USP42: variants seen among roughly 807,000 people sequenced by gnomAD.
USP42 encodes ubiquitin carboxyl-terminal hydrolase 42.
In USP42, 23 loss-of-function variants were observed where a neutral mutation model predicts 113.0. That is an observed-to-expected ratio of 0.20 (90% confidence interval 0.15 to 0.29). USP42 has a LOEUF of 0.29. Among genes scored for constraint, USP42 ranks in the 10% least tolerant of loss-of-function variants. USP42 has a pLI of 1.00. For missense variants in USP42, 2,174 were observed against 1,779.8 expected, an observed-to-expected ratio of 1.22 and a Z score of -3.99; for synonymous variants, 933 against 699.0, an observed-to-expected ratio of 1.33 and a Z score of -5.28.
the USP42 span, among the ~76,000 whole-genome samples, chr7:6,082,114 T>C: frequency 6.6e-6 from 1 of 151,806 alleles, no homozygotes; most frequent in Non-Finnish European, 1.5e-5. Context: ...AAATATATAT[T>C]TATGGGTGCG....
chr7:6,105,039 TC>T lies in USP42; in HGVS notation c.-10+10del. ...GAGCGCCGAGCCGGGTCAGGTAAGCTCCCGCCTCCTTCCCGCCCGCCGCAGG... is the reference window on the plus strand; with the variant it reads ...GAGCGCCGAGCCGGGTCAGGTAAGCTCCGCCTCCTTCCCGCCCGCCGCAGG... On this transcript the variant is annotated splice_region_variant and intron_variant, in intron 1 of 17. Coordinates refer to ENST00000306177, the MANE Select transcript of USP42 (RefSeq NM_032172.3). 6.7e-6 allele frequency: 1 copy of T among 148,700 alleles called. No individual in the cohort carries two copies. The highest frequency in any genetic ancestry group is 1.5e-5 in the Non-Finnish European group (1 of 67,556). The allele number at this position is 148,700 out of a possible 1,614,324, so 9.2% of individuals were successfully genotyped here.
intron 11 of USP42, 60 bp downstream of exon 11, chr7:6,146,308 A>C (rs1369807405): frequency 6.1e-5 from 64 of 1,048,716 alleles, no homozygotes; most frequent in Non-Finnish European, 5.0e-5. Flanking sequence ...TTGTCTTATC[A>C]ACATGTTTGA....
At chr7:6,105,751 C>G (rs1779244287) in intron 1 of USP42, among the ~76,000 whole-genome samples, 1 of 152,262 alleles carries the variant, frequency 6.6e-6, no homozygotes, top group South Asian at 2.1e-4. Flanking sequence ...AGCCAGCTTA[C>G]CTGGAACGGG....
intron 14 of USP42, among the ~76,000 whole-genome samples, chr7:6,152,339 A>G (rs552975330): frequency 6.6e-6 from 1 of 152,370 alleles, no homozygotes; most frequent in East Asian, 1.9e-4. Flanking sequence ...GAGCGACTCT[A>G]GATTTATATA....
intron 14 of USP42, 80 bp downstream of exon 14, chr7:6,150,586 T>A (rs981394556): frequency 7.5e-6 from 9 of 1,198,340 alleles, no homozygotes; most frequent in Non-Finnish European, 1.1e-5. Flanking sequence ...AGTATTTGAA[T>A]GCTGTAGAAA....
chr7:6,088,661 A>G, the USP42 span: 1 of 151,364 alleles, frequency 6.6e-6, no homozygotes, highest in African/African-American at 2.5e-5. Flanking sequence ...GCGTCTCATC[A>G]TCGATCTTTC....
Position 6,154,821 on chromosome 7 carries a change from C to G in USP42, c.3267C>G (p.His1089Gln). The G allele has an allele frequency of 6.5e-7, 1 of 1,542,452 alleles. No individual in the cohort carries two copies. The highest frequency in any genetic ancestry group is 1.2e-5 in the South Asian group (1 of 83,564). The change falls in exon 15 of 18, where the codon CAC (histidine) becomes CAG (glutamine). Residue 1089 changes from histidine (H) to glutamine (Q), a missense_variant. Physicochemically the swap from His to Gln is conservative, Grantham distance 24. Transcript: ENST00000306177. ...GGREHERAGL[H>Q]ERPHKDHNRG... is the part of the protein sequence containing the mutation. Reference sequence around the variant, plus strand: ...GCGAGCACGAGCGGGCCGGGCTGCACGAGCGGCCGCACAAGGACCACAACC... The same window carrying G: ...GCGAGCACGAGCGGGCCGGGCTGCAGGAGCGGCCGCACAAGGACCACAACC...
At position 6,159,594 on chromosome 7, in the gene USP42, C is replaced by T; in HGVS notation, c.*36+101C>T. 7.9e-7 allele frequency: 1 copy of T among 1,264,088 alleles called. No individual in the cohort carries two copies. The highest frequency in any genetic ancestry group is 1.1e-6 in the Non-Finnish European group (1 of 893,996). The allele number at this position is 1,264,088 out of a possible 1,614,324, so 78.3% of individuals were successfully genotyped here. On this transcript the variant is annotated intron_variant, in intron 17 of 17. Transcript: ENST00000306177. This position sits in a 1 kb window ranked among gnomAD's most constrained non-coding sequence, Gnocchi z 4.1. ...TGCGGCTCTGCCTGGGGGCTGGGCT[C>T]ATAGGAGTTGGCAGAGCCATGGAGA...
chr7:6,143,204 CA>C (rs747404032), intron 8 of USP42, among the ~76,000 whole-genome samples, 190 bp downstream of exon 8: 1 of 152,174 alleles, frequency 6.6e-6, no homozygotes, highest in East Asian at 1.9e-4. Context: ...GCAAGATGCG[CA>C]GCTCTGTGCC....
chr7:6,125,038 G>A (rs551423292), intron 3 of USP42, among the ~76,000 whole-genome samples: 17 of 151,876 alleles, frequency 1.1e-4, no homozygotes, highest in Non-Finnish European at 2.1e-4. Flanking sequence ...AAAATTAGCC[G>A]GGTGTGGTGG....
chr7:6,128,103 A>G (rs1780640473), intron 3 of USP42: 1 of 152,012 alleles, frequency 6.6e-6, no homozygotes, highest in South Asian at 2.1e-4. Flanking sequence ...GTGTCCCACC[A>G]TGACCAGCTA....
intron 3 of USP42, among the ~76,000 whole-genome samples, chr7:6,133,933 C>T (rs1780990226): frequency 6.6e-6 from 1 of 151,158 alleles, no homozygotes; most frequent in South Asian, 2.1e-4. Flanking sequence ...CTCTGTCGCC[C>T]AGGCTGGAGT....
At chr7:6,110,042 C>T (rs7811993) in intron 1 of USP42, among the ~76,000 whole-genome samples, 13 of 151,926 alleles carry the variant, frequency 8.6e-5, no homozygotes, top group African/African-American at 3.1e-4. Flanking sequence ...CCATGTTGGC[C>T]AGGCTGGTCT....
At chr7:6,152,500 C>T (rs1281011269) in intron 14 of USP42, among the ~76,000 whole-genome samples, 1 of 152,174 alleles carries the variant, frequency 6.6e-6, no homozygotes, top group Non-Finnish European at 1.5e-5. Context: ...AGAATGGCCC[C>T]CGGCGGGTGG....
At chr7:6,121,447 A>G (rs536250547) in intron 3 of USP42, among the ~76,000 whole-genome samples, 2 of 151,900 alleles carry the variant, frequency 1.3e-5, no homozygotes, top group Non-Finnish European at 2.9e-5. Context: ...TTATTAGCCT[A>G]TAGTTTCTTA....
At chr7:6,144,231 C>G (rs185552720) in intron 9 of USP42, 35 bp downstream of exon 9, 2 of 1,411,700 alleles carry the variant, frequency 1.4e-6, no homozygotes, top group Non-Finnish European at 1.9e-6. Context: ...TGTTTTATGT[C>G]GAGCCTTTCG....
At chr7:6,114,864 G>T (rs1779827407) in intron 2 of USP42, among the ~76,000 whole-genome samples, 1 of 150,522 alleles carries the variant, frequency 6.6e-6, no homozygotes, top group Non-Finnish European at 1.5e-5. Context: ...CTAATTTTTT[G>T]TATTTTTAGT....
At position 6,115,393 on chromosome 7, in the gene USP42, A is replaced by G. The variant is rs924456207; in HGVS notation, c.312A>G (p.Gln104=). ...CTGAGAAGATTTGTCTTAAGTGGCAACAAACTCATAGAGTTGGAGCTGGGC... is the reference window on the plus strand; with the variant it reads ...CTGAGAAGATTTGTCTTAAGTGGCAGCAAACTCATAGAGTTGGAGCTGGGC... The part of the protein sequence containing the change: ...FPSEKICLKW[Q]QTHRVGAGLQ... The change falls in exon 3 of 18, where the codon CAA becomes CAG. Residue 104 remains glutamine (Q), a synonymous_variant. Coordinates refer to ENST00000306177, the MANE Select transcript of USP42 (RefSeq NM_032172.3). 1.2e-5 allele frequency: 20 copies of G among 1,614,082 alleles called. No homozygotes were observed. The highest frequency in any genetic ancestry group is 4.5e-5 in the East Asian group (2 of 44,890).
At chr7:6,141,241 C>T (rs1781415220) in intron 7 of USP42, among the ~76,000 whole-genome samples, 1 of 125,916 alleles carries the variant, frequency 7.9e-6, no homozygotes, top group African/African-American at 3.1e-5. Context: ...TGCACTCTGT[C>T]ACCCAGGCTG....
Sources: allele counts gnomAD v4.1 joint callset (sites outside exome capture counted in the v4.1 genomes callset), GRCh38; gene constraint gnomAD v4.1.1; non-coding constraint Gnocchi (gnomAD v3.1); transcripts MANE v1.5; gene names NCBI Gene and HGNC (gene_info 2026-07-23, HGNC 2026-07-21).